Variants in SMPD3 observed in about 807,000 individuals in gnomAD.
SMPD3 encodes the protein sphingomyelin phosphodiesterase 3, also known as nSMase-2.
Under a neutral mutation model 55.7 loss-of-function variants are expected in SMPD3, and 21 were observed. The ratio of observed to expected loss-of-function variants is 0.38; its 90% CI spans 0.27 to 0.54. The LOEUF is 0.54. Among genes scored for constraint, SMPD3 ranks in the 20% least tolerant of loss-of-function variants. The pLI is 0.80. For missense variants in SMPD3, 842 were observed against 899.6 expected, an observed-to-expected ratio of 0.94 and a Z score of 0.82; for synonymous variants, 457 against 404.3, an observed-to-expected ratio of 1.13 and a Z score of -1.56.
At chr16:68,376,667 G>A (rs928216693) in intron 2 of SMPD3, among the ~76,000 whole-genome samples, 6 of 152,292 alleles carry the variant, frequency 3.9e-5, no homozygotes, top group East Asian at 3.9e-4. Flanking sequence ...TTGGAGTCCC[G>A]TTGTCTCCAG....
At chr16:68,374,377 C>T (rs1257394714) in intron 2 of SMPD3, among the ~76,000 whole-genome samples, 1 of 152,248 alleles carries the variant, frequency 6.6e-6, no homozygotes, top group Non-Finnish European at 1.5e-5. Context: ...GGCTGTCACT[C>T]TCCTCAGGGG....
intron 8 of SMPD3, 115 bp from the exon 9 acceptor site, chr16:68,361,422 TC>T: frequency 7.3e-7 from 1 of 1,371,066 alleles, no homozygotes; most frequent in South Asian, 1.3e-5. Flanking sequence ...GCTGGGACCT[TC>T]CTGCAGTCAG....
intron 1 of SMPD3, among the ~76,000 whole-genome samples, chr16:68,397,131 T>G (rs569547784): frequency 2.0e-5 from 3 of 152,262 alleles, no homozygotes; most frequent in African/African-American, 7.2e-5. Flanking sequence ...TGAGCAAGAC[T>G]TATCTGCAGC....
chr16:68,400,371 A>G (rs766461514), intron 1 of SMPD3, among the ~76,000 whole-genome samples: 7 of 152,124 alleles, frequency 4.6e-5, no homozygotes, highest in Non-Finnish European at 1.0e-4. Flanking sequence ...ATTATGGATT[A>G]GCTTGGTGAC....
chr16:68,413,083 C>T (rs1461137519), intron 1 of SMPD3, among the ~76,000 whole-genome samples: 5 of 152,234 alleles, frequency 3.3e-5, no homozygotes. Flanking sequence ...GGCTCAAGTC[C>T]TTGGCCTGGG....
At chr16:68,396,834 G>A (rs751062762) in intron 1 of SMPD3, among the ~76,000 whole-genome samples, 9 of 152,210 alleles carry the variant, frequency 5.9e-5, no homozygotes, top group Non-Finnish European at 1.2e-4. Context: ...ATGCAAGATG[G>A]AGACTTGAAA....
At chr16:68,398,484 G>A (rs1321656647) in intron 1 of SMPD3, among the ~76,000 whole-genome samples, 1 of 152,122 alleles carries the variant, frequency 6.6e-6, no homozygotes, top group Non-Finnish European at 1.5e-5. Context: ...TGAGGTGGCC[G>A]AGCTGGAGTC....
At chr16:68,373,857 G>A (rs371490504) in intron 2 of SMPD3, among the ~76,000 whole-genome samples, 1 of 152,084 alleles carries the variant, frequency 6.6e-6, no homozygotes, top group Non-Finnish European at 1.5e-5. Flanking sequence ...CTGGACGCCC[G>A]CCTCTCACTT....
At chr16:68,366,632 G>A (rs545652095) in intron 3 of SMPD3, among the ~76,000 whole-genome samples, 10 of 152,356 alleles carry the variant, frequency 6.6e-5, no homozygotes, top group African/African-American at 2.4e-4. Context: ...TTGGGAGGCC[G>A]AGGCAAGTGG....
chr16:68,370,000 A>G (rs1352700182), intron 3 of SMPD3: 2 of 152,252 alleles, frequency 1.3e-5, no homozygotes, highest in African/African-American at 4.8e-5. Context: ...CAGAACCCAC[A>G]TCTGAAACAG....
chr16:68,364,395 T>A, intron 5 of SMPD3: 1 of 254,532 alleles, frequency 3.9e-6, no homozygotes, highest in Non-Finnish European at 7.5e-6. Context: ...TCAGGGTTGT[T>A]AAGACACTTA....
chr16:68,420,108 A>G (rs2090378899), intron 1 of SMPD3, among the ~76,000 whole-genome samples: 1 of 151,642 alleles, frequency 6.6e-6, no homozygotes. Flanking sequence ...CTGTCTCCCA[A>G]GTAGCTGAGA....
At chr16:68,419,847 A>G (rs980565481) in intron 1 of SMPD3, among the ~76,000 whole-genome samples, 1 of 152,186 alleles carries the variant, frequency 6.6e-6, no homozygotes, top group African/African-American at 2.4e-5. Flanking sequence ...TTGAAGCCAG[A>G]CTGCCTGAGT....
chr16:68,404,102 G>A lies in SMPD3; in HGVS notation c.-268-17443C>T, dbSNP rs1261115636. 6.6e-6 allele frequency among the ~76,000 whole-genome samples: 1 copy of A among 151,794 alleles called. No homozygotes were observed. Among genetic ancestry groups the A allele is most frequent in the African/African-American group, 2.4e-5 (1 of 41,298 alleles). Reference sequence around the variant, plus strand: ...GCCATCATGGCTCACTGCAGCCTCTGCCTCTCGGGCTCAAGAGATCCTCCC... The same window carrying A: ...GCCATCATGGCTCACTGCAGCCTCTACCTCTCGGGCTCAAGAGATCCTCCC... On this transcript the variant is annotated intron_variant, in intron 1 of 8. Transcript: ENST00000219334. This position sits in a 1 kb window ranked among gnomAD's most constrained non-coding sequence, Gnocchi z 4.0.
At chr16:68,419,194 C>T (rs906818313) in intron 1 of SMPD3, among the ~76,000 whole-genome samples, 13 of 152,080 alleles carry the variant, frequency 8.5e-5, no homozygotes, top group Admixed American at 7.2e-4. Context: ...TTAGGAGGGT[C>T]GGGGGGTCTT....
intron 1 of SMPD3, among the ~76,000 whole-genome samples, chr16:68,413,103 G>T (rs770600267): frequency 6.6e-6 from 1 of 152,246 alleles, no homozygotes; most frequent in Non-Finnish European, 1.5e-5. Flanking sequence ...GGCCTATGTG[G>T]AATGCCTGCT....
At chr16:68,375,481 A>C (rs2089788145) in intron 2 of SMPD3, among the ~76,000 whole-genome samples, 1 of 152,184 alleles carries the variant, frequency 6.6e-6, no homozygotes, top group African/African-American at 2.4e-5. Context: ...CATGGGTCAG[A>C]GGAGGGTGGA....
intron 2 of SMPD3, among the ~76,000 whole-genome samples, chr16:68,385,007 A>G (rs980516779): frequency 9.2e-5 from 14 of 152,152 alleles, no homozygotes; most frequent in Admixed American, 9.2e-4. Context: ...GGCAAAGACA[A>G]GAGGGAGATT....
At chr16:68,363,627 T>A (rs3826167) in intron 6 of SMPD3, 68 bp from the exon 7 acceptor site, 61 of 1,498,382 alleles carry the variant, frequency 4.1e-5, no homozygotes, top group African/African-American at 2.6e-4. Flanking sequence ...GGGGGTGGCC[T>A]CTGTGGGTGG....
Sources: gnomAD v4.1 joint callset for allele counts (sites outside exome capture counted in the v4.1 genomes callset) on GRCh38, gnomAD v4.1.1 for gene constraint, Gnocchi (gnomAD v3.1) non-coding constraint, MANE v1.5 for transcripts, NCBI Gene and HGNC (gene_info 2026-07-23, HGNC 2026-07-21) for gene names.